The following PKIG variants were observed in gnomAD, a reference collection of about 807,000 sequenced individuals.
PKIG encodes the protein protein kinase (cAMP-dependent, catalytic) inhibitor gamma.
In PKIG, 1 loss-of-function variant was observed where a neutral mutation model predicts 6.8. That is an observed-to-expected ratio of 0.15 (90% CI 0.05 to 0.69). The LOEUF (loss-of-function observed/expected upper bound fraction) is 0.69, where lower values mean the gene tolerates loss of function less well. PKIG is among the 30% of genes least tolerant of loss of function. The pLI, the probability that PKIG is intolerant of heterozygous loss-of-function variation, is 0.82. For missense variants in PKIG, 77 were observed against 104.0 expected (o/e 0.74, Z 1.13); for synonymous variants, 39 against 43.0 (o/e 0.91, Z 0.36).
At chr20:44,556,189 A>G (rs2064711521) in intron 1 of PKIG, among the ~76,000 whole-genome samples, 1 of 152,152 alleles carries the variant, frequency 6.6e-6, no homozygotes, top group South Asian at 2.1e-4. Context: ...GAACAACTAC[A>G]TCATTTATTA....
At chr20:44,534,987 A>G (rs2064499809) in intron 1 of PKIG, among the ~76,000 whole-genome samples, 1 of 152,206 alleles carries the variant, frequency 6.6e-6, no homozygotes, top group Non-Finnish European at 1.5e-5. Context: ...CTGCTGAGAA[A>G]ATTCAAGAGA....
At chr20:44,596,433 G>A (rs960251756) in intron 2 of PKIG, among the ~76,000 whole-genome samples, 1 of 152,328 alleles carries the variant, frequency 6.6e-6, no homozygotes, top group South Asian at 2.1e-4. Context: ...GGAGGTGTGG[G>A]GGGAGGGCTG....
chr20:44,567,730 G>A (rs925533853), intron 1 of PKIG, among the ~76,000 whole-genome samples: 1 of 152,220 alleles, frequency 6.6e-6, no homozygotes, highest in Non-Finnish European at 1.5e-5. Flanking sequence ...TTCTGGGCCA[G>A]GCCCAGGATT....
At chr20:44,608,814 A>T (rs3091867) in intron 2 of PKIG, among the ~76,000 whole-genome samples, 2,421 of 149,576 alleles carry the variant, frequency 0.016, 29 homozygotes, top group East Asian at 0.069. Context: ...AAAAAAAAAA[A>T]AATACTATGA....
intron 2 of PKIG, among the ~76,000 whole-genome samples, chr20:44,592,891 G>A (rs2065044662): frequency 6.6e-6 from 1 of 152,180 alleles, no homozygotes; most frequent in Non-Finnish European, 1.5e-5. Context: ...GCGATCTACA[G>A]AATTAATTCC....
At chr20:44,590,250 G>A (rs959406038) in intron 2 of PKIG, among the ~76,000 whole-genome samples, 19 of 152,178 alleles carry the variant, frequency 1.2e-4, no homozygotes, top group Non-Finnish European at 2.6e-4. Context: ...CTGTAAAGCT[G>A]TTTTCACAAA....
chr20:44,609,280 G>T (rs2065192870), intron 2 of PKIG, among the ~76,000 whole-genome samples: 1 of 152,136 alleles, frequency 6.6e-6, no homozygotes, highest in Non-Finnish European at 1.5e-5. Flanking sequence ...AGGGCCAGTG[G>T]CCTGCACTGG....
chr20:44,558,322 AT>A (rs1446004609), intron 1 of PKIG, among the ~76,000 whole-genome samples: 1 of 152,172 alleles, frequency 6.6e-6, no homozygotes, highest in Non-Finnish European at 1.5e-5. Flanking sequence ...TAGGCATTTT[AT>A]TCTCTCCATT....
At chr20:44,543,829 G>A (rs1035344908) in intron 1 of PKIG, among the ~76,000 whole-genome samples, 2 of 152,118 alleles carry the variant, frequency 1.3e-5, no homozygotes, top group East Asian at 1.9e-4. Flanking sequence ...GTGGGAAGCC[G>A]AGGCGGGTGG....
chr20:44,536,641 C>T (rs997487467), intron 1 of PKIG, among the ~76,000 whole-genome samples: 1 of 152,130 alleles, frequency 6.6e-6, no homozygotes. Flanking sequence ...CCACCCAAGC[C>T]TTTGTTTAGC....
intron 1 of PKIG, among the ~76,000 whole-genome samples, chr20:44,555,576 C>A (rs2064705850): frequency 6.6e-6 from 1 of 152,158 alleles, no homozygotes; most frequent in African/African-American, 2.4e-5. Flanking sequence ...TAAGCTCACC[C>A]ACAGTTCTTT....
At chr20:44,535,453 C>G (rs914950082) in intron 1 of PKIG, among the ~76,000 whole-genome samples, 1 of 152,170 alleles carries the variant, frequency 6.6e-6, no homozygotes, top group East Asian at 1.9e-4. Flanking sequence ...CTAGCCTGGT[C>G]AACATGGTGA....
At chr20:44,573,364 G>A (rs1306682924) in intron 1 of PKIG, among the ~76,000 whole-genome samples, 1 of 152,224 alleles carries the variant, frequency 6.6e-6, no homozygotes, top group East Asian at 1.9e-4. Flanking sequence ...AGGAGATTAT[G>A]ACTAATTTAA....
At chr20:44,586,762 A>G (rs1316988292) in intron 1 of PKIG, among the ~76,000 whole-genome samples, 2 of 152,250 alleles carry the variant, frequency 1.3e-5, no homozygotes. Flanking sequence ...GAAATCCTTC[A>G]GAAATGTCTT....
At chr20:44,546,189 G>T (rs2064612354) in intron 1 of PKIG, among the ~76,000 whole-genome samples, 1 of 152,146 alleles carries the variant, frequency 6.6e-6, no homozygotes, top group Non-Finnish European at 1.5e-5. Flanking sequence ...GGTTGAGGCT[G>T]CAGTGAGCCA....
intron 1 of PKIG, among the ~76,000 whole-genome samples, chr20:44,584,552 T>C (rs1276768847): frequency 3.4e-5 from 5 of 149,036 alleles, no homozygotes; most frequent in Admixed American, 6.7e-5. Context: ...AGGTGCCGGG[T>C]CTTGACAAAT....
intron 1 of PKIG, among the ~76,000 whole-genome samples, chr20:44,553,171 G>A (rs1335431587): frequency 6.6e-6 from 1 of 152,144 alleles, no homozygotes; most frequent in Non-Finnish European, 1.5e-5. Context: ...TAGGGAATCA[G>A]TTGACTTACT....
chr20:44,547,162 A>G (rs891101456), intron 1 of PKIG, among the ~76,000 whole-genome samples: 3 of 152,240 alleles, frequency 2.0e-5, no homozygotes, highest in Non-Finnish European at 4.4e-5. Context: ...CTATTATTGC[A>G]TAGACATCTT....
At chr20:44,571,991 G>T (rs143844241) in intron 1 of PKIG, among the ~76,000 whole-genome samples, 1 of 152,114 alleles carries the variant, frequency 6.6e-6, no homozygotes. Flanking sequence ...GCATCTTTAC[G>T]ACAATATACA....
Sources: allele counts gnomAD v4.1 joint callset (sites outside exome capture counted in the v4.1 genomes callset), GRCh38; gene constraint gnomAD v4.1.1; transcripts MANE v1.5; gene names NCBI Gene and HGNC (gene_info 2026-07-23, HGNC 2026-07-21).